Variants in SNX6 observed in about 807,000 individuals in gnomAD.
SNX6 encodes the protein sorting nexin 6.
A neutral mutation model predicts 63.0 loss-of-function variants in SNX6; 34 were observed. That is an observed-to-expected ratio of 0.54 (90% CI 0.41 to 0.72). The LOEUF (loss-of-function observed/expected upper bound fraction) is 0.72, where lower values mean the gene tolerates loss of function less well. SNX6 is among the 30% of genes least tolerant of loss of function. The pLI is 0.00. For missense variants in SNX6, 398 were observed against 471.4 expected (o/e 0.84, Z 1.44); for synonymous variants, 170 against 164.2 (o/e 1.04, Z -0.27).
chr14:34,576,414 C>T (rs1881703690), intron 10 of SNX6, among the ~76,000 whole-genome samples: 2 of 140,440 alleles, frequency 1.4e-5, no homozygotes, highest in African/African-American at 2.7e-5. Flanking sequence ...AAATGAGACT[C>T]GTGAGTTTAT....
chr14:34,591,980 AT>A (rs2138318531), intron 8 of SNX6, among the ~76,000 whole-genome samples: 1 of 152,360 alleles, frequency 6.6e-6, no homozygotes, highest in South Asian at 2.1e-4. Flanking sequence ...TGCTTTATGC[AT>A]ACCTCCTATT....
At chr14:34,604,047 GT>G (rs1377691239) in intron 5 of SNX6, 5 of 1,004,942 alleles carry the variant, frequency 5.0e-6, no homozygotes, top group Non-Finnish European at 6.3e-6. Context: ...ATACATGTCA[GT>G]TTGGGGGAAA....
chr14:34,565,109 G>A (rs901740886), intron 13 of SNX6, among the ~76,000 whole-genome samples: 2 of 136,372 alleles, frequency 1.5e-5, no homozygotes, highest in African/African-American at 2.8e-5. Flanking sequence ...AAGGAGTCTT[G>A]CTCTGTCACC....
rs115625269 is a variant in SNX6 at position 34,626,533 on chromosome 14, G to A, written c.54+3374C>T. ...CAAAAAATTAGCCGGGCACGGTCGC[G>A]CACTCCTGTAGTCCCAGCTACTCAG... is the stretch of plus-strand genomic sequence containing the variant. On this transcript the variant is annotated intron_variant, in intron 2 of 13. Transcript: ENST00000362031. 3.1e-3 allele frequency among the ~76,000 whole-genome samples: 467 copies of A among 151,506 alleles called. 3 individuals carry two copies. Among genetic ancestry groups the A allele is most frequent in the African/African-American group, 0.011 (455 of 41,332 alleles).
At chr14:34,620,959 A>C (rs767293883) in intron 2 of SNX6, among the ~76,000 whole-genome samples, 1 of 152,082 alleles carries the variant, frequency 6.6e-6, no homozygotes. Flanking sequence ...ATAAAAAATA[A>C]AAAATGGTGA....
intron 2 of SNX6, among the ~76,000 whole-genome samples, chr14:34,610,147 C>A (rs1262812309): frequency 2.0e-5 from 3 of 150,510 alleles, no homozygotes; most frequent in African/African-American, 7.4e-5. Flanking sequence ...AATTCAAGAC[C>A]ACCCTGGGAA....
At chr14:34,627,450 T>C (rs1883872590) in intron 2 of SNX6, among the ~76,000 whole-genome samples, 1 of 150,652 alleles carries the variant, frequency 6.6e-6, no homozygotes, top group South Asian at 2.1e-4. Context: ...CGAGACTCCG[T>C]TTCAAAAAAA....
intron 9 of SNX6, among the ~76,000 whole-genome samples, chr14:34,584,826 GA>G (rs1203985376): frequency 6.6e-6 from 1 of 151,638 alleles, no homozygotes; most frequent in Non-Finnish European, 1.5e-5. Flanking sequence ...AAAGGGAGAA[GA>G]AAAAATATCA....
intron 9 of SNX6, among the ~76,000 whole-genome samples, chr14:34,581,890 G>A (rs963565699): frequency 6.6e-6 from 1 of 152,010 alleles, no homozygotes; most frequent in Non-Finnish European, 1.5e-5. Flanking sequence ...GTGCAACTGC[G>A]CAATCTCAGC....
At chr14:34,583,771 A>G (rs979458713) in intron 9 of SNX6, among the ~76,000 whole-genome samples, 3 of 151,876 alleles carry the variant, frequency 2.0e-5, no homozygotes, top group African/African-American at 7.3e-5. Flanking sequence ...GCTTTGACAG[A>G]TTTACGTTAG....
chr14:34,565,624 G>A (rs1033784144), intron 13 of SNX6, among the ~76,000 whole-genome samples: 3 of 148,530 alleles, frequency 2.0e-5, no homozygotes, highest in African/African-American at 7.5e-5. Flanking sequence ...TCGAGCGATC[G>A]TCTCGCCTCA....
At chr14:34,574,092 C>A (rs1189439010) in intron 11 of SNX6, among the ~76,000 whole-genome samples, 7 of 151,694 alleles carry the variant, frequency 4.6e-5, no homozygotes, top group Non-Finnish European at 8.8e-5. Flanking sequence ...AATCCCAGCA[C>A]TTTGGGAGGC....
rs757577749 is a variant in SNX6, at chr14:34,597,605, T to C, written c.557A>G (p.Asp186Gly). 4.4e-6 allele frequency: 7 copies of C among 1,607,986 alleles called. No homozygotes were observed. The highest frequency in any genetic ancestry group is 5.1e-6 in the Non-Finnish European group (6 of 1,176,400). ...TGATTTAACCATGTTTTTAAAGAAG[T>C]CTTCAAGTTTCTCTTTTTTATTTTT... The part of the protein sequence containing the change: ...RGKNKKEKLE[D>G]FFKNMVKSAD... Residue 186 changes from aspartate (D) to glycine (G), a missense_variant, in exon 7 of 14, where the codon GAC becomes GGC. Coordinates refer to ENST00000362031, the MANE Select transcript of SNX6 (RefSeq NM_152233.4).
chr14:34,597,672 T>C (rs1882656749), intron 6 of SNX6, 27 bp from the exon 7 acceptor site: 1 of 1,373,688 alleles, frequency 7.3e-7, no homozygotes, highest in East Asian at 2.3e-5. Flanking sequence ...TTAACATTTT[T>C]AAGGTTACAA....
At chr14:34,602,151 C>T (rs1053845597) in intron 6 of SNX6, among the ~76,000 whole-genome samples, 3 of 150,834 alleles carry the variant, frequency 2.0e-5, no homozygotes, top group African/African-American at 7.3e-5. Context: ...TTAGGCCGGG[C>T]GCAGTGGCTC....
intron 8 of SNX6, among the ~76,000 whole-genome samples, chr14:34,589,724 G>A (rs901131674): frequency 3.9e-5 from 6 of 151,964 alleles, no homozygotes; most frequent in Non-Finnish European, 8.8e-5. Context: ...GGGGAAGGTC[G>A]AGGCATGAGA....
intron 9 of SNX6, among the ~76,000 whole-genome samples, chr14:34,584,492 T>G (rs1478881807): frequency 7.3e-5 from 11 of 151,290 alleles, no homozygotes; most frequent in Admixed American, 6.6e-4. Flanking sequence ...AACACGCCAC[T>G]GCACTCCAGC....
At chr14:34,615,502 G>A (rs1193955207) in intron 2 of SNX6, among the ~76,000 whole-genome samples, 2 of 152,208 alleles carry the variant, frequency 1.3e-5, no homozygotes, top group African/African-American at 4.8e-5. Flanking sequence ...GATTATAGGC[G>A]TAAGCCACCG....
intron 5 of SNX6, 30 bp downstream of exon 5, chr14:34,605,566 A>C (rs1231818693): frequency 5.3e-6 from 8 of 1,512,616 alleles, no homozygotes; most frequent in Non-Finnish European, 6.2e-6. Context: ...AACCAAAAAA[A>C]AAAAACAAAA....
Sources: allele counts gnomAD v4.1 joint callset (sites outside exome capture counted in the v4.1 genomes callset), GRCh38; gene constraint gnomAD v4.1.1; transcripts MANE v1.5; gene names NCBI Gene and HGNC (gene_info 2026-07-23, HGNC 2026-07-21).